The following HABP4 variants were observed in gnomAD, a reference collection of about 807,000 sequenced individuals.
The protein encoded by HABP4 is hyaluronan binding protein 4, also known as intracellular hyaluronan-binding protein 4.
A neutral mutation model predicts 44.1 loss-of-function variants in HABP4; 32 were observed. The observed-to-expected ratio is 0.73, with a 90% confidence interval of 0.55 to 0.97. The LOEUF is 0.97. Ranked by LOEUF, HABP4 falls within the 50% of genes least tolerant of loss-of-function variation. The pLI is 0.00. For missense variants in HABP4, 503 were observed against 561.9 expected (o/e 0.90, Z 1.06); for synonymous variants, 216 against 218.0 (o/e 0.99, Z 0.08).
At position 96,451,617 on chromosome 9, in the gene HABP4, C is replaced by T. The variant is rs75813893; in HGVS notation, c.349+989C>T. The T allele has an allele frequency of 9.1e-3, 2,018 of 221,094 alleles. 37 individuals are homozygous for T. Among genetic ancestry groups the T allele is most frequent in the African/African-American group, 0.044 (1,871 of 42,772 alleles). The allele number at this position is 221,094 out of a possible 1,614,324, so 13.7% of individuals were successfully genotyped here. A position where few individuals can be genotyped will look rare whatever the true frequency, so the allele number is the denominator to read the frequency against. ...GTGCATCGCAGCCCTGAGGAAACGT[C>T]TCAGGTTTAAGTATTAGGGCTTTGA... On this transcript the variant is annotated intron_variant, in intron 1 of 7. Coordinates refer to ENST00000375249, the MANE Select transcript of HABP4 (RefSeq NM_014282.4).
chr9:96,450,405 G>A lies in HABP4; in HGVS notation c.126G>A (p.Leu42=). ...LDDESDPFDI[L]REAERRRQQQ... ...ACGAGTCGGACCCGTTCGACATCCT[G>A]CGCGAGGCCGAGCGCCGGCGCCAGC... The change falls in exon 1 of 8, where the codon CTG becomes CTA. Residue 42 remains leucine, a synonymous_variant. Transcript: ENST00000375249. The surrounding 1 kb of genome is among the most constrained non-coding windows in gnomAD (Gnocchi z 4.8). 1 of 1,188,934 alleles carries A rather than the reference G, an allele frequency of 8.4e-7. No individual in the cohort carries two copies. Among genetic ancestry groups the A allele is most frequent in the Non-Finnish European group, 1.1e-6 (1 of 914,926 alleles). 73.6% of individuals were successfully genotyped at this position (1,188,934 alleles called of 1,614,324 possible).
At chr9:96,473,863 G>A (rs186626219) in intron 5 of HABP4, among the ~76,000 whole-genome samples, 196 of 152,302 alleles carry the variant, frequency 1.3e-3, no homozygotes, top group Non-Finnish European at 2.0e-3. Context: ...GTGTCTAGTG[G>A]TTAAGAGCAC....
chr9:96,460,228 G>GT (rs1359446961), intron 2 of HABP4, among the ~76,000 whole-genome samples: 2 of 152,136 alleles, frequency 1.3e-5, no homozygotes, highest in Admixed American at 1.3e-4. Flanking sequence ...TTATGGAGGG[G>GT]TTTTTTAATT....
intron 6 of HABP4, among the ~76,000 whole-genome samples, chr9:96,485,778 G>C (rs1195765532): frequency 6.6e-6 from 1 of 152,024 alleles, no homozygotes; most frequent in Non-Finnish European, 1.5e-5. Context: ...TCACTATTTC[G>C]AGGTGGGAGT....
rs1205290074 is a variant in HABP4, at chr9:96,481,840, CAT to C, written c.828-2620_828-2619del. Among the ~76,000 whole-genome samples, 6 of 151,926 alleles carry C rather than the reference CAT, an allele frequency of 3.9e-5. No homozygotes were observed. The South Asian group carries it at 6.2e-4, about 16-fold the overall frequency. On this transcript the variant is annotated intron_variant, in intron 5 of 7. Transcript: ENST00000375249. ...TTTTTTAAAATTGCAGTAAAAATAACATAAAAATTGCCATTTTTACCATTTTA... is the reference window on the plus strand; with the variant it reads ...TTTTTTAAAATTGCAGTAAAAATAACAAAAATTGCCATTTTTACCATTTTA...
intron 1 of HABP4, among the ~76,000 whole-genome samples, chr9:96,455,113 G>GA (rs201713667): frequency 0.011 from 1,643 of 151,110 alleles, 21 homozygotes; most frequent in African/African-American, 0.037. Flanking sequence ...AGACCCTGTC[G>GA]AAAAAAAAGA....
In HABP4 at chr9:96,450,535, G is replaced by A; in HGVS notation, c.256G>A (p.Gly86Ser). 2 of 1,235,906 alleles carry A rather than the reference G, an allele frequency of 1.6e-6. No individual in the cohort carries two copies. Among genetic ancestry groups the A allele is most frequent in the Non-Finnish European group, 2.0e-6 (2 of 989,478 alleles). The allele number at this position is 1,235,906 out of a possible 1,614,324, so 76.6% of individuals were successfully genotyped here. ...GGCCTCGGGCCACAGAGCCGGCGCGGGCGGCCGGAGGGAGTCGCAGAAGGA... is the reference window on the plus strand; with the variant it reads ...GGCCTCGGGCCACAGAGCCGGCGCGAGCGGCCGGAGGGAGTCGCAGAAGGA... ...AGASGHRAGA[G>S]GRRESQKERK... The change falls in exon 1 of 8, where the codon GGC becomes AGC. Residue 86 changes from glycine (G) to serine (S), a missense_variant. Around this residue, in one of 3 missense-constraint regions of HABP4, gnomAD observed 290 missense variants for 300.5 expected, o/e 0.97. Coordinates refer to ENST00000375249, the MANE Select transcript of HABP4 (RefSeq NM_014282.4). This position sits in a 1 kb window ranked among gnomAD's most constrained non-coding sequence, Gnocchi z 4.8.
At chr9:96,451,007 G>C (rs989961346) in intron 1 of HABP4, among the ~76,000 whole-genome samples, 14 of 152,174 alleles carry the variant, frequency 9.2e-5, no homozygotes, top group Non-Finnish European at 2.1e-4. Flanking sequence ...GCCTCTGCAA[G>C]ATTGAGGTCG....
intron 1 of HABP4, among the ~76,000 whole-genome samples, chr9:96,454,610 T>A (rs577938844): frequency 2.7e-4 from 41 of 152,214 alleles, no homozygotes; most frequent in African/African-American, 9.1e-4. Context: ...CCACCACGCC[T>A]GGCTAATTTT....
At chr9:96,453,654 T>A (rs1201290516) in intron 1 of HABP4, among the ~76,000 whole-genome samples, 1 of 152,248 alleles carries the variant, frequency 6.6e-6, no homozygotes, top group African/African-American at 2.4e-5. Flanking sequence ...AATTATGTTC[T>A]TTGAAACAAA....
intron 2 of HABP4, among the ~76,000 whole-genome samples, chr9:96,459,770 C>T (rs960240284): frequency 2.0e-5 from 3 of 152,134 alleles, no homozygotes; most frequent in African/African-American, 7.2e-5. Flanking sequence ...AAAAGTCCAG[C>T]AGAGAGTAAC....
intron 1 of HABP4, 74 bp from the exon 2 acceptor site, chr9:96,458,305 G>T: frequency 7.3e-7 from 1 of 1,365,084 alleles, no homozygotes; most frequent in Non-Finnish European, 1.0e-6. Context: ...AAATTTACAA[G>T]TACCTGTAAA....
In HABP4 at chr9:96,450,533, C is replaced by T. The variant is rs1305686846; in HGVS notation, c.254C>T (p.Ala85Val). ...GGGGCCTCGGGCCACAGAGCCGGCG[C>T]GGGCGGCCGGAGGGAGTCGCAGAAG... ...PAGASGHRAGAGGRRESQKER... is the reference protein window; with the variant it reads ...PAGASGHRAGVGGRRESQKER... Residue 85 changes from alanine (A) to valine (V), a missense_variant, in exon 1 of 8, where the codon GCG (alanine) becomes GTG (valine). This residue lies in a region of HABP4 where 290 missense variants were observed against 300.5 expected (regional missense o/e 0.97). Transcript: ENST00000375249. The surrounding 1 kb of genome is among the most constrained non-coding windows in gnomAD (Gnocchi z 4.8). The T allele has an allele frequency of 1.6e-5, 20 of 1,233,586 alleles. No individual in the cohort carries two copies. In the African/African-American group the frequency reaches 2.8e-4, roughly 17 times the overall value. 76.4% of individuals were successfully genotyped at this position (1,233,586 alleles called of 1,614,324 possible). A position where few individuals can be genotyped will look rare whatever the true frequency, so the allele number is the denominator to read the frequency against.
Position 96,465,318 on chromosome 9 carries a change from T to G in HABP4, c.513-19T>G. 6.4e-7 allele frequency: 1 copy of G among 1,562,826 alleles called. No homozygotes were observed. The highest frequency in any genetic ancestry group is 8.8e-7 in the Non-Finnish European group (1 of 1,137,134). On this transcript the variant is annotated intron_variant, in intron 2 of 7. Coordinates refer to ENST00000375249, the MANE Select transcript of HABP4 (RefSeq NM_014282.4). ...AGACCTTTAATTTACCAGTTTTTAT[T>G]ATATCCACTCCTTCCTAGACCAGGT...
rs779877191 is a variant in HABP4 at position 96,465,693 on chromosome 9, ATTCT to A, written c.675-9_675-6del. On this transcript the variant is annotated splice_polypyrimidine_tract_variant and intron_variant, in intron 3 of 7. Coordinates refer to ENST00000375249, the MANE Select transcript of HABP4 (RefSeq NM_014282.4). ...AGACTAGCTTCTGGTTTAAGGGACTATTCTTTCTTTCCGTAGAGCAGTCAGAACT... is the reference window on the plus strand; with the variant it reads ...AGACTAGCTTCTGGTTTAAGGGACTATTCTTTCCGTAGAGCAGTCAGAACT... 6.4e-5 allele frequency: 99 copies of A among 1,553,544 alleles called. No individual in the cohort carries two copies. Among genetic ancestry groups the A allele is most frequent in the Non-Finnish European group, 8.4e-5 (94 of 1,125,004 alleles).
chr9:96,486,676 A>C (rs1832981972), intron 6 of HABP4, among the ~76,000 whole-genome samples: 1 of 151,974 alleles, frequency 6.6e-6, no homozygotes, highest in Non-Finnish European at 1.5e-5. Context: ...ATTGTTCTTA[A>C]AGCAACACAA....
At chr9:96,477,234 G>T (rs1832797406) in intron 5 of HABP4, among the ~76,000 whole-genome samples, 1 of 152,170 alleles carries the variant, frequency 6.6e-6, no homozygotes, top group Non-Finnish European at 1.5e-5. Flanking sequence ...ATAGCATTCA[G>T]TTCTGTTGAT....
chr9:96,452,026 G>A (rs1200590706), intron 1 of HABP4, among the ~76,000 whole-genome samples: 2 of 152,070 alleles, frequency 1.3e-5, no homozygotes, highest in African/African-American at 4.8e-5. Flanking sequence ...AGGAGATCGA[G>A]ACCATCCTGG....
chr9:96,454,449 T>A (rs1293515679), intron 1 of HABP4, among the ~76,000 whole-genome samples: 1 of 137,958 alleles, frequency 7.2e-6, no homozygotes, highest in Non-Finnish European at 1.6e-5. Context: ...TTCTGAACTC[T>A]TTTTTTTTTT....
Sources: allele counts gnomAD v4.1 joint callset (sites outside exome capture counted in the v4.1 genomes callset), GRCh38; gene constraint gnomAD v4.1.1; regional missense constraint gnomAD v4.1.1; non-coding constraint Gnocchi (gnomAD v3.1); transcripts MANE v1.5; gene names NCBI Gene and HGNC (gene_info 2026-07-23, HGNC 2026-07-21).